Variants in KHDC1 observed in about 807,000 individuals in gnomAD.
KHDC1 encodes KH homology domain-containing protein 1.
In KHDC1, 21 loss-of-function variants were observed where a neutral mutation model predicts 24.7. The observed-to-expected ratio is 0.85, with a 90% CI of 0.60 to 1.23. The LOEUF is 1.23. Ranked by LOEUF, KHDC1 falls within the 50% of genes most tolerant of loss-of-function variation. KHDC1 has a pLI of 0.00. For synonymous variants in KHDC1, 98 were observed against 111.7 expected, an observed-to-expected ratio of 0.88 and a Z score of 0.77; for missense variants, 274 against 298.5, an observed-to-expected ratio of 0.92 and a Z score of 0.61.
intron 2 of KHDC1, among the ~76,000 whole-genome samples, chr6:73,245,398 A>T (rs535112703): frequency 1.2e-4 from 19 of 152,280 alleles, no homozygotes; most frequent in African/African-American, 4.6e-4. Context: ...AATTAGATGG[A>T]TATTTGGGGA....
At chr6:73,265,097 G>C (rs553739309) in intron 2 of KHDC1, among the ~76,000 whole-genome samples, 1 of 152,164 alleles carries the variant, frequency 6.6e-6, no homozygotes, top group Non-Finnish European at 1.5e-5. Flanking sequence ...AAATTTCTAA[G>C]ACCTTTAGGT....
At chr6:73,251,774 CT>C (rs932005761) in intron 2 of KHDC1, among the ~76,000 whole-genome samples, 2 of 149,572 alleles carry the variant, frequency 1.3e-5, no homozygotes, top group Non-Finnish European at 3.0e-5. Flanking sequence ...TTAAAAAATT[CT>C]TTTTTTTCCT....
rs535276955 is a variant in KHDC1 at position 73,291,929 on chromosome 6, A to G, written c.206+69T>C. On this transcript the variant is annotated intron_variant, in intron 2 of 4. Coordinates refer to ENST00000370384, the Ensembl canonical transcript of KHDC1. ...TCCTGAATCTATTTTTAAAAATTTA[A>G]TTCTCTAGCACAGACTCCCTTTTTT... 2.2e-5 allele frequency: 34 copies of G among 1,543,112 alleles called. No individual in the cohort carries two copies. The East Asian group carries it at 7.1e-4, about 32-fold the overall frequency.
chr6:73,300,991 C>CG (rs1767864966), intron 1 of KHDC1: 1 of 152,074 alleles, frequency 6.6e-6, no homozygotes, highest in Admixed American at 6.5e-5. Flanking sequence ...CCGAGGCAGG[C>CG]GGATCACGAG....
intron 1 of KHDC1, chr6:73,309,504 A>G (rs1768038712): frequency 1.4e-6 from 2 of 1,474,068 alleles, no homozygotes; most frequent in African/African-American, 1.4e-5. Flanking sequence ...CTTTCCGGGC[A>G]CCTGGGTGAA....
chr6:73,294,018 A>AG (rs1767713880), intron 1 of KHDC1, among the ~76,000 whole-genome samples: 2 of 146,510 alleles, frequency 1.4e-5, no homozygotes, highest in East Asian at 2.0e-4. Context: ...AAAAAAAAAA[A>AG]CAAAAAAAAA....
At chr6:73,278,299 GA>G (rs917646677) in intron 2 of KHDC1, among the ~76,000 whole-genome samples, 11 of 151,906 alleles carry the variant, frequency 7.2e-5, no homozygotes, top group African/African-American at 2.2e-4. Context: ...TTACAGGCGT[GA>G]GCCATGGCGC....
intron 2 of KHDC1, among the ~76,000 whole-genome samples, chr6:73,285,656 T>C (rs1321314014): frequency 6.6e-6 from 1 of 151,612 alleles, no homozygotes; most frequent in Non-Finnish European, 1.5e-5. Flanking sequence ...TTTCTTTTTT[T>C]TTTTTTTTTA....
intron 2 of KHDC1, among the ~76,000 whole-genome samples, chr6:73,258,509 C>T (rs1322545145): frequency 6.6e-6 from 1 of 152,144 alleles, no homozygotes; most frequent in Non-Finnish European, 1.5e-5. Flanking sequence ...CCTACTACTG[C>T]TTGACCTACA....
At position 73,309,534 on chromosome 6, in the gene KHDC1, G is replaced by A. The variant is rs1006522422; in HGVS notation, c.163+18C>T. ...GGTGAAGGAAGCTTTTCCTACCAGG[G>A]CCCCTAAAGCCACTCACCTCGATTT... On this transcript the variant is annotated intron_variant, in intron 1 of 4. Coordinates refer to ENST00000370384, the Ensembl canonical transcript of KHDC1. 51 of 1,495,766 alleles carry A rather than the reference G, an allele frequency of 3.4e-5. No individual in the cohort carries two copies. The East Asian group carries it at 1.1e-3, about 31-fold the overall frequency. 92.7% of individuals were successfully genotyped at this position (1,495,766 alleles called of 1,614,324 possible).
intron 1 of KHDC1, among the ~76,000 whole-genome samples, chr6:73,302,954 G>C (rs1346378737): frequency 1.3e-5 from 2 of 152,188 alleles, no homozygotes; most frequent in Non-Finnish European, 2.9e-5. Context: ...GCGCACGCCT[G>C]TAATCCCAGC....
chr6:73,250,917 G>A (rs895365637), intron 2 of KHDC1, among the ~76,000 whole-genome samples: 7 of 152,146 alleles, frequency 4.6e-5, no homozygotes, highest in African/African-American at 1.4e-4. Context: ...TTGGCTCACT[G>A]CAACCTCCAC....
At chr6:73,302,095 C>A (rs541829089) in intron 1 of KHDC1, among the ~76,000 whole-genome samples, 33 of 152,194 alleles carry the variant, frequency 2.2e-4, no homozygotes, top group Non-Finnish European at 2.6e-4. Flanking sequence ...TGAGACCAGC[C>A]TGACCAACTG....
At chr6:73,255,519 G>A (rs1397079136) in intron 2 of KHDC1, among the ~76,000 whole-genome samples, 1 of 144,032 alleles carries the variant, frequency 6.9e-6, no homozygotes, top group Non-Finnish European at 1.5e-5. Context: ...ACCACACCTG[G>A]CTTTTTTTTT....
chr6:73,305,044 C>A (rs1009116333), intron 1 of KHDC1, among the ~76,000 whole-genome samples: 1 of 151,984 alleles, frequency 6.6e-6, no homozygotes, highest in African/African-American at 2.4e-5. Context: ...TCAAGACCAG[C>A]CTGGCCAATA....
intron 2 of KHDC1, among the ~76,000 whole-genome samples, chr6:73,258,571 C>T (rs1766924242): frequency 6.6e-6 from 1 of 152,210 alleles, no homozygotes; most frequent in South Asian, 2.1e-4. Flanking sequence ...TGAGTCTCTG[C>T]ATCACAGCTC....
intron 1 of KHDC1, chr6:73,292,556 AATT>A: frequency 1.3e-6 from 1 of 767,714 alleles, no homozygotes; most frequent in Non-Finnish European, 2.4e-6. Context: ...CATAGATAAT[AATT>A]CTGTGAGTTC....
At chr6:73,302,669 A>G (rs1413747414) in intron 1 of KHDC1, among the ~76,000 whole-genome samples, 1 of 152,240 alleles carries the variant, frequency 6.6e-6, no homozygotes, top group Non-Finnish European at 1.5e-5. Context: ...CCACTGTTAT[A>G]GGAATTTTTC....
chr6:73,293,163 C>A, intron 1 of KHDC1: 1 of 741,136 alleles, frequency 1.3e-6, no homozygotes, highest in Non-Finnish European at 2.5e-6. Context: ...TTGAAAAGAC[C>A]AAAAGCCTTT....
Sources: allele counts gnomAD v4.1 joint callset (sites outside exome capture counted in the v4.1 genomes callset), GRCh38; gene constraint gnomAD v4.1.1; transcripts MANE v1.5; gene names NCBI Gene and HGNC (gene_info 2026-07-23, HGNC 2026-07-21).